PDE4D: variants seen among roughly 807,000 people sequenced by gnomAD.
PDE4D encodes 3',5'-cyclic-AMP phosphodiesterase 4D.
In PDE4D, 24 loss-of-function variants were observed where a neutral mutation model predicts 87.4. The observed-to-expected ratio is 0.27, with a 90% CI of 0.20 to 0.39. PDE4D has a LOEUF of 0.39. Ranked by LOEUF, PDE4D falls within the 10% of genes least tolerant of loss-of-function variation. PDE4D has a pLI of 1.00. For missense variants in PDE4D, 714 were observed against 1,041.0 expected (o/e 0.69, Z 4.32); for synonymous variants, 384 against 383.2 (o/e 1.00, Z -0.02).
chr5:59,915,252 G>T (rs1279925597), intron 3 of PDE4D, among the ~76,000 whole-genome samples: 1 of 152,084 alleles, frequency 6.6e-6, no homozygotes, highest in African/African-American at 2.4e-5. Context: ...GACCAGCTAG[G>T]GCAGAATGGA....
At chr5:60,486,426 A>G (rs1236786751) in intron 1 of PDE4D, among the ~76,000 whole-genome samples, 1 of 152,202 alleles carries the variant, frequency 6.6e-6, no homozygotes. Flanking sequence ...TTAAAAATCT[A>G]TGTATTTTGC....
chr5:60,189,501 C>G (rs942170612), intron 1 of PDE4D, among the ~76,000 whole-genome samples: 3 of 152,056 alleles, frequency 2.0e-5, no homozygotes, highest in Non-Finnish European at 2.9e-5. Context: ...CAGATAATAT[C>G]TCAGAAAAAT....
chr5:59,247,414 T>A (rs1048977729), intron 1 of PDE4D, among the ~76,000 whole-genome samples: 5 of 152,118 alleles, frequency 3.3e-5, no homozygotes, highest in Non-Finnish European at 5.9e-5. Context: ...GCCCTGCCCA[T>A]TGTAACTCAA....
intron 1 of PDE4D, among the ~76,000 whole-genome samples, chr5:59,296,683 C>T (rs1161112269): frequency 6.6e-6 from 1 of 152,012 alleles, no homozygotes; most frequent in Admixed American, 6.6e-5. Flanking sequence ...AGGTCACATC[C>T]AAGTCTCTTG....
chr5:59,958,219 A>T (rs529628607), intron 3 of PDE4D, among the ~76,000 whole-genome samples: 1 of 152,340 alleles, frequency 6.6e-6, no homozygotes, highest in East Asian at 1.9e-4. Flanking sequence ...GACAAATTTC[A>T]TCATTAAACT....
chr5:60,449,886 T>C (rs1745954954), intron 1 of PDE4D, among the ~76,000 whole-genome samples: 1 of 146,556 alleles, frequency 6.8e-6, no homozygotes, highest in Non-Finnish European at 1.5e-5. Flanking sequence ...AGTATGATAA[T>C]AATAAATAAA....
intron 1 of PDE4D, among the ~76,000 whole-genome samples, chr5:60,511,106 AT>A (rs1294033345): frequency 6.6e-6 from 1 of 152,088 alleles, no homozygotes; most frequent in African/African-American, 2.4e-5. Context: ...AGTAGCTGGG[AT>A]TATAGGTGCT....
chr5:59,295,722 A>C (rs1168620747), intron 1 of PDE4D, among the ~76,000 whole-genome samples: 1 of 151,996 alleles, frequency 6.6e-6, no homozygotes, highest in Non-Finnish European at 1.5e-5. Context: ...CGTGTCTTTA[A>C]TGATCTGTTA....
intron 1 of PDE4D, among the ~76,000 whole-genome samples, chr5:60,296,985 A>G (rs1753459491): frequency 6.6e-6 from 1 of 152,124 alleles, no homozygotes; most frequent in Non-Finnish European, 1.5e-5. Context: ...AGAAATACCT[A>G]ATGTAGATGA....
intron 2 of PDE4D, among the ~76,000 whole-genome samples, chr5:60,106,593 A>C (rs1776951475): frequency 6.6e-6 from 1 of 150,730 alleles, no homozygotes; most frequent in South Asian, 2.1e-4. Context: ...TCCAAAATTG[A>C]CCACATAGTT....
chr5:59,809,548 A>G (rs927815326), intron 1 of PDE4D, among the ~76,000 whole-genome samples: 1 of 152,168 alleles, frequency 6.6e-6, no homozygotes, highest in Non-Finnish European at 1.5e-5. Context: ...CTATTTTCTC[A>G]ATTTCAGCAA....
chr5:60,466,397 A>G (rs1747357006), intron 1 of PDE4D, among the ~76,000 whole-genome samples: 1 of 152,210 alleles, frequency 6.6e-6, no homozygotes, highest in Non-Finnish European at 1.5e-5. Flanking sequence ...TCAATTTTAT[A>G]GTTCTTCTTG....
chr5:59,645,283 G>T (rs1742262362), intron 1 of PDE4D, among the ~76,000 whole-genome samples: 1 of 152,138 alleles, frequency 6.6e-6, no homozygotes, highest in Non-Finnish European at 1.5e-5. Flanking sequence ...ACTTGCACAA[G>T]CTCCTTCCTA....
intron 2 of PDE4D, among the ~76,000 whole-genome samples, chr5:60,074,675 A>G (rs777188582): frequency 2.8e-4 from 43 of 152,198 alleles, no homozygotes; most frequent in Non-Finnish European, 5.1e-4. Flanking sequence ...TGCTTTATAA[A>G]TCTGGGTGCT....
intron 1 of PDE4D, among the ~76,000 whole-genome samples, chr5:59,667,191 G>A (rs1453928157): frequency 6.6e-6 from 1 of 152,138 alleles, no homozygotes; most frequent in Non-Finnish European, 1.5e-5. Flanking sequence ...CAGTTAGCCT[G>A]AGAATTTTCA....
At chr5:59,249,129 A>C (rs1035954010) in intron 1 of PDE4D, among the ~76,000 whole-genome samples, 2 of 152,088 alleles carry the variant, frequency 1.3e-5, no homozygotes, top group Non-Finnish European at 2.9e-5. Flanking sequence ...AAAAAGTAAA[A>C]AACTATGCAA....
At chr5:59,800,336 A>C (rs994871994) in intron 1 of PDE4D, among the ~76,000 whole-genome samples, 1 of 152,176 alleles carries the variant, frequency 6.6e-6, no homozygotes, top group Non-Finnish European at 1.5e-5. Flanking sequence ...AAGAAATGCA[A>C]CAACCAATGA....
intron 1 of PDE4D, among the ~76,000 whole-genome samples, chr5:59,804,073 T>C (rs1417577943): frequency 1.3e-5 from 2 of 152,210 alleles, no homozygotes; most frequent in African/African-American, 4.8e-5. Flanking sequence ...GTGGGTTTTG[T>C]TTACTTGGAC....
At position 59,798,372 on chromosome 5, in the gene PDE4D, A is replaced by T. The variant is rs191499373; in HGVS notation, c.455+94796T>A. 5.0e-3 allele frequency among the ~76,000 whole-genome samples: 766 copies of T among 152,116 alleles called. 5 individuals carry two copies. Among genetic ancestry groups the T allele is most frequent in the East Asian group, 0.026 (132 of 5,162 alleles). On this transcript the variant is annotated intron_variant, in intron 1 of 14. Transcript: ENST00000340635. ...ATGTAATCACCAAAAAATTTTTTTT[A>T]AAAGCTATTTATAACCAAAAATATC...
Sources: gnomAD v4.1 joint callset for allele counts (sites outside exome capture counted in the v4.1 genomes callset) on GRCh38, gnomAD v4.1.1 for gene constraint, MANE v1.5 for transcripts, NCBI Gene and HGNC (gene_info 2026-07-23, HGNC 2026-07-21) for gene names.